LSM11: variants seen among roughly 807,000 people sequenced by gnomAD.
LSM11 encodes U7 snRNA-associated Sm-like protein LSm11.
In LSM11, 14 loss-of-function variants were observed where a neutral mutation model predicts 28.1. The ratio of observed to expected loss-of-function variants is 0.50; its 90% confidence interval spans 0.33 to 0.78. The LOEUF is 0.78. Among genes scored for constraint, LSM11 ranks in the 30% least tolerant of loss-of-function variants. The pLI is 0.02. For synonymous variants in LSM11, 207 were observed against 214.2 expected, an observed-to-expected ratio of 0.97 and a Z score of 0.30; for missense variants, 495 against 510.6, an observed-to-expected ratio of 0.97 and a Z score of 0.30.
At chr5:157,753,936 C>A in intron 2 of LSM11, 68 bp from the exon 3 acceptor site, 2 of 1,117,176 alleles carry the variant, frequency 1.8e-6, no homozygotes, top group Non-Finnish European at 2.4e-6. Flanking sequence ...TTTTTTTTCC[C>A]TGAAAAAGCT....
Position 157,755,202 on chromosome 5 carries a change from C to T in LSM11, c.1021C>T (p.Arg341Ter), listed in dbSNP as rs1217166903. Residue 341 changes from arginine (R) to a stop codon, truncating the protein, a stop_gained, in exon 4 of 4, where the codon CGA (arginine) becomes TGA (stop). Transcript: ENST00000286307. LOFTEE classifies it high-confidence loss of function. Reference protein sequence around the residue: ...PKVDYQQVFTRHINQIFIRGE... With the variant: ...PKVDYQQVFT ...AGTGGATTACCAGCAGGTATTCACT[C>T]GACACATAAATCAGATTTTCATTCG... 1 of 1,614,198 alleles carries T rather than the reference C, an allele frequency of 6.2e-7. No homozygotes were observed. Among genetic ancestry groups the T allele is most frequent in the Non-Finnish European group, 8.5e-7 (1 of 1,180,034 alleles).
chr5:157,755,044 C>G lies in LSM11; in HGVS notation c.863C>G (p.Ser288Cys), dbSNP rs1249920627. The stretch of plus-strand genomic sequence containing the variant: ...TCTGTCCCTTCTTCCCTGCAGGCCT[C>G]TGCAAGGGAGGAGTCCAGGTCAGAG... ...SRSVPSSLQA[S>C]AREESRSELS... Residue 288 changes from serine to cysteine, a missense_variant, in exon 4 of 4, where the codon TCT becomes TGT. Transcript: ENST00000286307. 1 of 1,614,232 alleles carries G rather than the reference C, an allele frequency of 6.2e-7. No individual in the cohort carries two copies. Among genetic ancestry groups the G allele is most frequent in the African/African-American group, 1.3e-5 (1 of 75,060 alleles).
chr5:157,757,944 TTA>T lies in LSM11; in HGVS notation c.*2682_*2683del, dbSNP rs1422367054. Reference sequence around the variant, plus strand: ...AACATGACAATTCTGGCTATGAAAATTATGTTTAAACTGTGTATGATCTATTT... The same window carrying T: ...AACATGACAATTCTGGCTATGAAAATTGTTTAAACTGTGTATGATCTATTT... On this transcript the variant is annotated 3_prime_UTR_variant, in exon 4 of 4. Transcript: ENST00000286307. 6.6e-6 allele frequency: 1 copy of T among 152,182 alleles called. No homozygotes were observed. The highest frequency in any genetic ancestry group is 1.5e-5 in the Non-Finnish European group (1 of 68,038). The allele number at this position is 152,182 out of a possible 1,614,324, so 9.4% of individuals were successfully genotyped here. A position where few individuals can be genotyped will look rare whatever the true frequency, so the allele number is the denominator to read the frequency against.
intron 1 of LSM11, among the ~76,000 whole-genome samples, chr5:157,749,296 T>C (rs1417317608): frequency 6.6e-6 from 1 of 152,198 alleles, no homozygotes; most frequent in Non-Finnish European, 1.5e-5. Context: ...TTCCACTCTT[T>C]GTATAAACAT....
rs993380583 is a variant in LSM11, at chr5:157,743,766, CG to C, written c.22del (p.Ala8ArgfsTer160). 2.8e-6 allele frequency: 4 copies of C among 1,403,588 alleles called. No individual in the cohort carries two copies. The highest frequency in any genetic ancestry group is 1.5e-5 in the South Asian group (1 of 66,680). The allele number at this position is 1,403,588 out of a possible 1,614,324, so 86.9% of individuals were successfully genotyped here. A position where few individuals can be genotyped will look rare whatever the true frequency, so the allele number is the denominator to read the frequency against. Reference sequence around the variant, plus strand: ...CCTTTCAAACATGGAGGAGCGGGAGCGGGGGGCGAGGTCGGCTGGCGCCGGG... The same window carrying C: ...CCTTTCAAACATGGAGGAGCGGGAGCGGGGGCGAGGTCGGCTGGCGCCGGG... The part of the protein sequence containing the change: MEERE[R>X]GARSAGAGSP... On this transcript the variant is annotated frameshift_variant, in exon 1 of 4. Coordinates refer to ENST00000286307, the MANE Select transcript of LSM11 (RefSeq NM_173491.4). LOFTEE classifies it high-confidence loss of function.
At chr5:157,745,501 C>T (rs531192782) in intron 1 of LSM11, among the ~76,000 whole-genome samples, 37 of 152,276 alleles carry the variant, frequency 2.4e-4, no homozygotes, top group African/African-American at 8.9e-4. Context: ...CTTAATTTGC[C>T]TATGCAATTT....
chr5:157,751,648 T>C, intron 2 of LSM11, 119 bp downstream of exon 2: 1 of 1,177,380 alleles, frequency 8.5e-7, no homozygotes, highest in East Asian at 2.6e-5. Flanking sequence ...TTAGAAGAAC[T>C]AGAATTTTTG....
chr5:157,746,240 C>G (rs183581083), intron 1 of LSM11, among the ~76,000 whole-genome samples: 125 of 152,236 alleles, frequency 8.2e-4, no homozygotes, highest in African/African-American at 2.9e-3. Flanking sequence ...TATACAAATG[C>G]TTTCTGGAAA....
chr5:157,746,332 A>G (rs561359282), intron 1 of LSM11, among the ~76,000 whole-genome samples: 119 of 152,342 alleles, frequency 7.8e-4, no homozygotes, highest in Admixed American at 1.6e-3. Context: ...TGTAACAGCA[A>G]GAAGAAGCTT....
At chr5:157,753,813 A>G (rs1761278681) in intron 2 of LSM11, among the ~76,000 whole-genome samples, 191 bp from the exon 3 acceptor site, 1 of 152,230 alleles carries the variant, frequency 6.6e-6, no homozygotes, top group Non-Finnish European at 1.5e-5. Flanking sequence ...ATATGGTGAT[A>G]GCAGCTTAAA....
Position 157,755,167 on chromosome 5 carries a change from G to A in LSM11, c.986G>A (p.Arg329Gln), listed in dbSNP as rs749494636. The A allele has an allele frequency of 8.1e-6, 13 of 1,614,106 alleles. No individual in the cohort carries two copies. Among genetic ancestry groups the A allele is most frequent in the African/African-American group, 1.3e-5 (1 of 74,944 alleles). The change falls in exon 4 of 4, where the codon CGA becomes CAA. Residue 329 changes from arginine to glutamine, a missense_variant. Physicochemically the swap from Arg to Gln is conservative, Grantham distance 43 (BLOSUM62 1). Transcript: ENST00000286307. Reference sequence around the variant, plus strand: ...AGAGGCCAGTCCCGTAAGAAAAAGCGAAAGCCCAAAGTGGATTACCAGCAG... The same window carrying A: ...AGAGGCCAGTCCCGTAAGAAAAAGCAAAAGCCCAAAGTGGATTACCAGCAG... ...LSRGQSRKKK[R>Q]KPKVDYQQVF...
Position 157,744,113 on chromosome 5 carries a change from G to A in LSM11, c.363G>A (p.Glu121=), listed in dbSNP as rs1319226745. ...TCCGCCGTCTCATGGTGGCCAAAGA[G>A]GAAGGGGACGGGGCCGCAGGAGCGG... is the stretch of plus-strand genomic sequence containing the variant. The part of the protein sequence containing the change: ...QRLRRLMVAK[E]EGDGAAGAGR... The change falls in exon 1 of 4, where the codon GAG becomes GAA. Residue 121 remains glutamate (E), a synonymous_variant. Coordinates refer to ENST00000286307, the MANE Select transcript of LSM11 (RefSeq NM_173491.4). The A allele has an allele frequency of 2.0e-6, 3 of 1,485,418 alleles. No individual in the cohort carries two copies. The highest frequency in any genetic ancestry group is 2.9e-5 in the African/African-American group (2 of 69,274). The allele number at this position is 1,485,418 out of a possible 1,614,324, so 92.0% of individuals were successfully genotyped here.
intron 2 of LSM11, among the ~76,000 whole-genome samples, chr5:157,753,444 T>G (rs1363522567): frequency 2.0e-5 from 3 of 152,184 alleles, no homozygotes; most frequent in Non-Finnish European, 2.9e-5. Flanking sequence ...CATTTGGTCC[T>G]AACAGCTGTC....
At chr5:157,753,262 G>A (rs1458608805) in intron 2 of LSM11, among the ~76,000 whole-genome samples, 1 of 152,156 alleles carries the variant, frequency 6.6e-6, no homozygotes, top group Non-Finnish European at 1.5e-5. Context: ...TAATTTCTCT[G>A]AGCCTCAGTT....
chr5:157,753,115 T>C (rs555354599), intron 2 of LSM11, among the ~76,000 whole-genome samples: 2 of 152,280 alleles, frequency 1.3e-5, no homozygotes, highest in East Asian at 1.9e-4. Flanking sequence ...GATTGGAATG[T>C]TGGTCGCAGA....
At chr5:157,754,774 AT>A (rs1264225194) in intron 3 of LSM11, 79 bp from the exon 4 acceptor site, 3 of 1,222,920 alleles carry the variant, frequency 2.5e-6, no homozygotes, top group East Asian at 4.7e-5. Context: ...TAATTAAAGA[AT>A]TTGGTCTTTT....
Position 157,758,605 on chromosome 5 carries a change from G to T in LSM11, c.*3341G>T, listed in dbSNP as rs957637027. 2 of 152,128 alleles carry T rather than the reference G, an allele frequency of 1.3e-5. No homozygotes were observed. Among genetic ancestry groups the T allele is most frequent in the African/African-American group, 4.8e-5 (2 of 41,404 alleles). The allele number at this position is 152,128 out of a possible 1,614,324, so 9.4% of individuals were successfully genotyped here. ...GGGAACTCCCACTAGCTCACCTGAG[G>T]GGGGCTCGATGCAGCTGAAATACTG... On this transcript the variant is annotated 3_prime_UTR_variant, in exon 4 of 4. Transcript: ENST00000286307.
chr5:157,751,273 G>A (rs1761227317), intron 1 of LSM11, 117 bp from the exon 2 acceptor site: 5 of 1,162,232 alleles, frequency 4.3e-6, no homozygotes, highest in African/African-American at 1.6e-5. Context: ...TTCCAATAGT[G>A]AGATTGTCAC....
chr5:157,748,948 A>G (rs565954788), intron 1 of LSM11, among the ~76,000 whole-genome samples: 31 of 152,292 alleles, frequency 2.0e-4, no homozygotes, highest in Admixed American at 1.6e-3. Context: ...GGAGCTTGCC[A>G]CAGAGACGGC....
Sources: gnomAD v4.1 joint callset for allele counts (sites outside exome capture counted in the v4.1 genomes callset) on GRCh38, gnomAD v4.1.1 for gene constraint, MANE v1.5 for transcripts, NCBI Gene and HGNC (gene_info 2026-07-23, HGNC 2026-07-21) for gene names.